The following AGBL4 variants were observed in gnomAD, a reference collection of about 807,000 sequenced individuals.
AGBL4 encodes the protein cytosolic carboxypeptidase 6.
In AGBL4, 58 loss-of-function variants were observed where a neutral mutation model predicts 66.4. The ratio of observed to expected loss-of-function variants is 0.87; its 90% CI spans 0.71 to 1.09. AGBL4 has a LOEUF of 1.09. Among genes scored for constraint, AGBL4 ranks in the 50% least tolerant of loss-of-function variants. The pLI is 0.00. For synonymous variants in AGBL4, 234 were observed against 222.9 expected (o/e 1.05, Z -0.44); for missense variants, 579 against 631.0 (o/e 0.92, Z 0.88).
intron 6 of AGBL4, among the ~76,000 whole-genome samples, chr1:48,733,798 T>C (rs755998056): frequency 2.0e-5 from 3 of 152,202 alleles, no homozygotes; most frequent in East Asian, 1.9e-4. Context: ...GGCGATCAGC[T>C]TGTGGGTCTC....
intron 6 of AGBL4, among the ~76,000 whole-genome samples, chr1:48,846,128 C>A (rs1008771241): frequency 6.6e-6 from 1 of 152,060 alleles, no homozygotes; most frequent in Non-Finnish European, 1.5e-5. Flanking sequence ...GAGCTATCAT[C>A]AGAGAGAATT....
chr1:49,916,911 G>T (rs543528048), intron 1 of AGBL4, among the ~76,000 whole-genome samples: 1 of 152,182 alleles, frequency 6.6e-6, no homozygotes, highest in African/African-American at 2.4e-5. Flanking sequence ...CAAGCCAGAA[G>T]AGAGTGGGGG....
intron 5 of AGBL4, among the ~76,000 whole-genome samples, chr1:48,996,840 TTCCTTC>T (rs1661046445): frequency 6.6e-6 from 1 of 150,830 alleles, no homozygotes; most frequent in Non-Finnish European, 1.5e-5. Context: ...CCTTCCTTCC[TTCCTTC>T]CTTCCTTCCT....
At chr1:49,114,211 C>G (rs1452550119) in intron 4 of AGBL4, among the ~76,000 whole-genome samples, 1 of 152,204 alleles carries the variant, frequency 6.6e-6, no homozygotes, top group Non-Finnish European at 1.5e-5. Context: ...TTTGGATAAC[C>G]TGTTGCAGTT....
intron 3 of AGBL4, among the ~76,000 whole-genome samples, chr1:49,551,702 C>T (rs990493130): frequency 9.9e-5 from 15 of 152,124 alleles, no homozygotes; most frequent in Non-Finnish European, 1.3e-4. Context: ...GAGGTGATAG[C>T]GGGGTGTAAT....
intron 3 of AGBL4, among the ~76,000 whole-genome samples, chr1:49,258,825 G>T (rs1419307846): frequency 6.6e-6 from 1 of 152,080 alleles, no homozygotes; most frequent in South Asian, 2.1e-4. Context: ...GATACTCCTT[G>T]AGAAGAGCAA....
At chr1:49,524,604 G>C (rs529635534) in intron 3 of AGBL4, among the ~76,000 whole-genome samples, 2 of 151,982 alleles carry the variant, frequency 1.3e-5, no homozygotes, top group Non-Finnish European at 2.9e-5. Context: ...AGTCCACATG[G>C]TCACTACAGT....
At chr1:49,463,874 T>C (rs1050282355) in intron 3 of AGBL4, among the ~76,000 whole-genome samples, 2 of 151,800 alleles carry the variant, frequency 1.3e-5, no homozygotes, top group Admixed American at 6.6e-5. Context: ...TGTTCATGCG[T>C]TCATTCATCC....
intron 6 of AGBL4, among the ~76,000 whole-genome samples, chr1:48,801,863 CTG>C (rs1299842060): frequency 6.6e-6 from 1 of 151,908 alleles, no homozygotes; most frequent in African/African-American, 2.4e-5. Flanking sequence ...TTTGTTAGTC[CTG>C]TCTTCCATCC....
chr1:49,006,562 C>G (rs548766041), intron 5 of AGBL4, among the ~76,000 whole-genome samples: 283 of 152,288 alleles, frequency 1.9e-3, no homozygotes, highest in Middle Eastern at 3.4e-3. Flanking sequence ...GTAGGCTCCA[C>G]CTCTGGGGGC....
intron 4 of AGBL4, among the ~76,000 whole-genome samples, chr1:49,054,891 A>C (rs1421637218): frequency 6.6e-6 from 1 of 151,942 alleles, no homozygotes; most frequent in Non-Finnish European, 1.5e-5. Flanking sequence ...TTTGTTCAAA[A>C]TCAATTGGCA....
chr1:48,655,403 T>C (rs764366365), intron 7 of AGBL4, among the ~76,000 whole-genome samples: 2 of 152,218 alleles, frequency 1.3e-5, no homozygotes, highest in Non-Finnish European at 2.9e-5. Flanking sequence ...GATGCCATCC[T>C]GGCCAAAGAC....
At chr1:48,791,102 A>T (rs947386060) in intron 6 of AGBL4, among the ~76,000 whole-genome samples, 1 of 152,172 alleles carries the variant, frequency 6.6e-6, no homozygotes, top group African/African-American at 2.4e-5. Context: ...ATTTTATTAT[A>T]GCAGCACAAA....
intron 6 of AGBL4, among the ~76,000 whole-genome samples, chr1:48,792,852 C>T (rs551316801): frequency 1.1e-4 from 17 of 152,200 alleles, no homozygotes; most frequent in Non-Finnish European, 2.4e-4. Flanking sequence ...TAGATCCCTT[C>T]TTCACCTTGA....
chr1:49,835,232 T>G (rs1189861317), intron 2 of AGBL4, among the ~76,000 whole-genome samples: 2 of 152,192 alleles, frequency 1.3e-5, no homozygotes, highest in Non-Finnish European at 2.9e-5. Context: ...CTCTAAGAAC[T>G]TGCTTCATGA....
At chr1:49,112,808 C>T (rs1364419126) in intron 4 of AGBL4, among the ~76,000 whole-genome samples, 1 of 152,178 alleles carries the variant, frequency 6.6e-6, no homozygotes, top group Non-Finnish European at 1.5e-5. Context: ...GTTATCTTGA[C>T]ATTTCCAGCA....
At chr1:49,097,721 C>T (rs1052117070) in intron 4 of AGBL4, among the ~76,000 whole-genome samples, 22 of 152,222 alleles carry the variant, frequency 1.4e-4, no homozygotes, top group African/African-American at 5.3e-4. Flanking sequence ...GCTGGGATTA[C>T]AGGCGTGCAC....
chr1:48,865,504 C>T (rs1647964864), intron 6 of AGBL4, among the ~76,000 whole-genome samples: 2 of 152,118 alleles, frequency 1.3e-5, no homozygotes. Context: ...ATTCTTTTCA[C>T]ATCTAAGAGG....
chr1:49,364,478 G>GT (rs911037450), intron 3 of AGBL4, among the ~76,000 whole-genome samples: 95 of 147,454 alleles, frequency 6.4e-4, no homozygotes, highest in Middle Eastern at 3.5e-3. Context: ...CATGAGAGTA[G>GT]TTTTTTTTTT....
Sources: allele counts gnomAD v4.1 joint callset (sites outside exome capture counted in the v4.1 genomes callset), GRCh38; gene constraint gnomAD v4.1.1; transcripts MANE v1.5; gene names NCBI Gene and HGNC (gene_info 2026-07-23, HGNC 2026-07-21).